Variants in CACNA1E observed in about 807,000 individuals in gnomAD.
CACNA1E encodes the protein voltage-dependent R-type calcium channel subunit alpha-1E.
A neutral mutation model predicts 259.2 loss-of-function variants in CACNA1E; 40 were observed. The observed-to-expected ratio is 0.15, with a 90% CI of 0.12 to 0.20. The LOEUF (loss-of-function observed/expected upper bound fraction) is 0.20, where lower values mean the gene tolerates loss of function less well. Ranked by LOEUF, CACNA1E falls within the 10% of genes least tolerant of loss-of-function variation. CACNA1E has a pLI of 1.00. For missense variants in CACNA1E, 1,874 were observed against 3,040.1 expected (o/e 0.62, Z 9.02); for synonymous variants, 1,104 against 1,138.5 (o/e 0.97, Z 0.61).
At chr1:181,763,632 T>C in intron 34 of CACNA1E, 101 bp downstream of exon 34, 1 of 854,596 alleles carries the variant, frequency 1.2e-6, no homozygotes, top group Non-Finnish European at 1.7e-6. Flanking sequence ...TCTGGGAAGC[T>C]GAAGCTAGTA....
In CACNA1E at chr1:181,733,596, G is replaced by C. The variant is rs538569535; in HGVS notation, c.3108G>C (p.Gly1036=). The change falls in exon 21 of 48, where the codon GGG becomes GGC. Residue 1036 remains glycine, a synonymous_variant. Transcript: ENST00000367573. The part of the protein sequence containing the change: ...PEGSSEQALL[G]NVQLDMGRVI... ...GCAGCAGTGAGCAGGCCCTGCTGGG[G>C]AATGTGCAGCTAGACATGGGCCGGG... The C allele has an allele frequency of 1.2e-6, 2 of 1,612,948 alleles. No homozygotes were observed. Among genetic ancestry groups the C allele is most frequent in the East Asian group, 2.2e-5 (1 of 44,842 alleles).
At chr1:181,440,072 T>A (rs1660353338) in intron 2 of CACNA1E, among the ~76,000 whole-genome samples, 1 of 152,226 alleles carries the variant, frequency 6.6e-6, no homozygotes, top group Non-Finnish European at 1.5e-5. Flanking sequence ...TCAAAAGTAC[T>A]TTCGTGTCAA....
chr1:181,583,331 C>A (rs948252298), intron 6 of CACNA1E, among the ~76,000 whole-genome samples: 5 of 152,076 alleles, frequency 3.3e-5, no homozygotes, highest in African/African-American at 1.2e-4. Context: ...TCCTTTCTAC[C>A]ACTCCTCATT....
At chr1:181,427,566 C>G in intron 2 of CACNA1E, among the ~76,000 whole-genome samples, 1 of 141,828 alleles carries the variant, frequency 7.1e-6, no homozygotes, top group Non-Finnish European at 1.5e-5. Flanking sequence ...ACCCCTCCCC[C>G]ACCTCAACTC....
At chr1:181,377,940 A>G (rs1655209340) in intron 1 of CACNA1E, among the ~76,000 whole-genome samples, 1 of 152,232 alleles carries the variant, frequency 6.6e-6, no homozygotes, top group African/African-American at 2.4e-5. Context: ...AATGTGCAGG[A>G]GCTGCTAGCA....
chr1:181,540,841 A>G (rs553572348), intron 3 of CACNA1E, among the ~76,000 whole-genome samples: 1 of 152,318 alleles, frequency 6.6e-6, no homozygotes, highest in East Asian at 1.9e-4. Flanking sequence ...TCATTTCCTT[A>G]TAAAGGCTCC....
chr1:181,656,961 A>G (rs927482994), intron 7 of CACNA1E, among the ~76,000 whole-genome samples: 3 of 152,224 alleles, frequency 2.0e-5, no homozygotes, highest in Non-Finnish European at 4.4e-5. Context: ...GGTCTGTGTA[A>G]GTACACATTC....
intron 6 of CACNA1E, among the ~76,000 whole-genome samples, chr1:181,592,263 C>T (rs1652727278): frequency 6.6e-6 from 1 of 152,164 alleles, no homozygotes; most frequent in Non-Finnish European, 1.5e-5. Flanking sequence ...GCATCAACCC[C>T]AGTCCCCTAG....
At chr1:181,724,307 AC>A (rs1346370841) in intron 16 of CACNA1E, among the ~76,000 whole-genome samples, 162 bp from the exon 17 acceptor site, 3 of 152,210 alleles carry the variant, frequency 2.0e-5, no homozygotes, top group Admixed American at 6.5e-5. Flanking sequence ...ACAGAGTTGT[AC>A]AACATCTCCC....
At chr1:181,401,655 G>A (rs1034217127) in intron 1 of CACNA1E, among the ~76,000 whole-genome samples, 5 of 152,204 alleles carry the variant, frequency 3.3e-5, no homozygotes, top group African/African-American at 1.2e-4. Context: ...TATGATAAAG[G>A]AGGGCTTCTT....
intron 1 of CACNA1E, among the ~76,000 whole-genome samples, chr1:181,363,059 T>G (rs1172160142): frequency 6.6e-6 from 1 of 152,192 alleles, no homozygotes; most frequent in Admixed American, 6.5e-5. Flanking sequence ...TAGTTCCCCC[T>G]GGGGGACCAT....
chr1:181,615,522 C>A (rs945261622), intron 6 of CACNA1E, among the ~76,000 whole-genome samples: 7 of 152,140 alleles, frequency 4.6e-5, no homozygotes, highest in African/African-American at 1.7e-4. Flanking sequence ...TTGATGCTAT[C>A]ATAATTGGCA....
At chr1:181,466,118 T>C (rs1220906775) in intron 2 of CACNA1E, among the ~76,000 whole-genome samples, 1 of 152,218 alleles carries the variant, frequency 6.6e-6, no homozygotes, top group East Asian at 1.9e-4. Flanking sequence ...GCTGTAGAGT[T>C]GATTTTCATG....
chr1:181,506,958 A>T (rs975051143), intron 1 of CACNA1E, among the ~76,000 whole-genome samples: 1 of 152,082 alleles, frequency 6.6e-6, no homozygotes, highest in African/African-American at 2.4e-5. Context: ...TACCGCAGCC[A>T]TGAATTCATC....
intron 3 of CACNA1E, among the ~76,000 whole-genome samples, chr1:181,559,624 C>T (rs979718843): frequency 3.3e-5 from 5 of 152,182 alleles, no homozygotes; most frequent in African/African-American, 9.7e-5. Context: ...TGCTGCAATA[C>T]AATACCGACA....
intron 32 of CACNA1E, among the ~76,000 whole-genome samples, chr1:181,760,595 C>T (rs144522536): frequency 3.2e-4 from 49 of 152,302 alleles, no homozygotes; most frequent in African/African-American, 1.2e-3. Context: ...GATGTAACAA[C>T]AATTGGTTGG....
chr1:181,404,408 A>G (rs1657322012), intron 1 of CACNA1E, among the ~76,000 whole-genome samples: 1 of 152,240 alleles, frequency 6.6e-6, no homozygotes, highest in African/African-American at 2.4e-5. Flanking sequence ...TTATTGAGCT[A>G]AAAATCCTTC....
At chr1:181,552,311 A>G (rs979296926) in intron 3 of CACNA1E, among the ~76,000 whole-genome samples, 2 of 152,102 alleles carry the variant, frequency 1.3e-5, no homozygotes, top group Non-Finnish European at 2.9e-5. Context: ...TGGGCTCTAC[A>G]TTTGTACTTT....
chr1:181,638,470 G>C (rs903587968), intron 6 of CACNA1E, among the ~76,000 whole-genome samples: 2 of 152,076 alleles, frequency 1.3e-5, no homozygotes, highest in Admixed American at 6.5e-5. Flanking sequence ...ATACAATATA[G>C]CTTCTTGAGG....
Sources: allele counts gnomAD v4.1 joint callset (sites outside exome capture counted in the v4.1 genomes callset), GRCh38; gene constraint gnomAD v4.1.1; transcripts MANE v1.5; gene names NCBI Gene and HGNC (gene_info 2026-07-23, HGNC 2026-07-21).